NAV1: variants seen among roughly 807,000 people sequenced by gnomAD.
NAV1 encodes pore membrane and/or filament interacting like protein 3.
A neutral mutation model predicts 175.2 loss-of-function variants in NAV1; 18 were observed. The ratio of observed to expected loss-of-function variants is 0.10; its 90% confidence interval spans 0.07 to 0.15. NAV1 has a LOEUF of 0.15. NAV1 is among the 10% of genes least tolerant of loss of function. The probability of loss-of-function intolerance (pLI) is 1.00; values close to 1 mark genes in which losing one functional copy is unlikely to be tolerated. For missense variants in NAV1, 1,731 were observed against 2,436.6 expected (o/e 0.71, Z 6.10); for synonymous variants, 897 against 978.7 (o/e 0.92, Z 1.56).
intron 1 of NAV1, among the ~76,000 whole-genome samples, chr1:201,584,885 G>C (rs1399573899): frequency 1.3e-5 from 2 of 152,212 alleles, no homozygotes; most frequent in African/African-American, 4.8e-5. Flanking sequence ...CCAACTGGCA[G>C]GCAGCCCAAG....
At chr1:201,744,003 G>A (rs1405075667) in intron 3 of NAV1, among the ~76,000 whole-genome samples, 1 of 152,142 alleles carries the variant, frequency 6.6e-6, no homozygotes, top group Non-Finnish European at 1.5e-5. Flanking sequence ...TCCTGCCTCA[G>A]CCTCCCGAGT....
intron 3 of NAV1, among the ~76,000 whole-genome samples, chr1:201,764,065 G>A (rs760299900): frequency 6.6e-6 from 1 of 152,016 alleles, no homozygotes; most frequent in African/African-American, 2.4e-5. Context: ...AGATGGATTC[G>A]GGTATTTAAT....
intron 3 of NAV1, among the ~76,000 whole-genome samples, chr1:201,725,751 T>C (rs1446652424): frequency 6.7e-6 from 1 of 149,646 alleles, no homozygotes; most frequent in Non-Finnish European, 1.5e-5. Context: ...AGACCAGGAG[T>C]TCAAGACTAG....
At chr1:201,649,605 C>CA (rs1416002195) in intron 1 of NAV1, among the ~76,000 whole-genome samples, 180 bp downstream of exon 5, 3 of 152,226 alleles carry the variant, frequency 2.0e-5, no homozygotes, top group Non-Finnish European at 4.4e-5. Flanking sequence ...TCCAGATGCG[C>CA]ATGGCTCAAG....
Position 201,750,360 on chromosome 1 carries a change from G to A in NAV1, c.1227-30061G>A, listed in dbSNP as rs758117927. On this transcript the variant is annotated intron_variant, in intron 3 of 29. Transcript: ENST00000367296. The surrounding 1 kb of genome is among the most constrained non-coding windows in gnomAD (Gnocchi z 4.1). ...GACTGAGGTAAACTGTTCATGGTAT[G>A]AGAGTTGACCAAGTCAGGGTGGGGA... 1.3e-5 allele frequency among the ~76,000 whole-genome samples: 2 copies of A among 152,160 alleles called. No individual in the cohort carries two copies. Among genetic ancestry groups the A allele is most frequent in the Non-Finnish European group, 2.9e-5 (2 of 68,016 alleles).
rs1462075442 is a variant in NAV1 at position 201,787,688 on chromosome 1, A to G, written c.2996-780A>G. The G allele has an allele frequency of 6.6e-6, 3 of 456,266 alleles. No individual in the cohort carries two copies. The highest frequency in any genetic ancestry group is 1.5e-5 in the South Asian group (1 of 64,566). 28.3% of individuals were successfully genotyped at this position (456,266 alleles called of 1,614,324 possible). On this transcript the variant is annotated intron_variant, in intron 9 of 29. Transcript: ENST00000367296. This position sits in a 1 kb window ranked among gnomAD's most constrained non-coding sequence, Gnocchi z 4.3. Reference sequence around the variant, plus strand: ...ACAGATTAGACATCCACCTGCCTGTATGGAGGCAGAAGAATAGACAAGGGA... The same window carrying G: ...ACAGATTAGACATCCACCTGCCTGTGTGGAGGCAGAAGAATAGACAAGGGA...
chr1:201,780,338 C>T lies in NAV1; in HGVS notation c.1227-83C>T, dbSNP rs149891447. 8.0e-4 allele frequency: 1,227 copies of T among 1,540,254 alleles called. 14 individuals carry two copies. In the African/African-American group the frequency reaches 0.011, roughly 14 times the overall value. The stretch of plus-strand genomic sequence containing the variant: ...GGCTAGCCTATATACTGGTGCAGAG[C>T]CATTCTTGCATCAATGTGAAACATT... On this transcript the variant is annotated intron_variant, in intron 3 of 29. Transcript: ENST00000367296.
intron 2 of NAV1, among the ~76,000 whole-genome samples, chr1:201,597,542 T>A (rs762537042): frequency 1.1e-4 from 16 of 152,088 alleles, no homozygotes; most frequent in African/African-American, 1.9e-4. Flanking sequence ...TCTGCAAAGA[T>A]CCCTTCCCAC....
At chr1:201,603,654 C>T (rs2102237248) in intron 2 of NAV1, among the ~76,000 whole-genome samples, 1 of 152,194 alleles carries the variant, frequency 6.6e-6, no homozygotes, top group East Asian at 1.9e-4. Flanking sequence ...GAAAGTAGCC[C>T]CACTCCAGAC....
chr1:201,793,938 G>A (rs1677274784), intron 14 of NAV1, 63 bp downstream of exon 18: 1 of 1,402,972 alleles, frequency 7.1e-7, no homozygotes, highest in Non-Finnish European at 9.9e-7. Context: ...TGGACAGAGA[G>A]GCCGAAGCTG....
chr1:201,717,786 A>G (rs1558093526), intron 2 of NAV1, among the ~76,000 whole-genome samples: 2 of 151,998 alleles, frequency 1.3e-5, no homozygotes, highest in South Asian at 4.2e-4. Context: ...CTTTTCCTAT[A>G]CTCTCTGCAC....
At chr1:201,819,747 A>G (rs1293093640) in intron 29 of NAV1, 90 bp from the exon 34 acceptor site, 1 of 1,170,370 alleles carries the variant, frequency 8.5e-7, no homozygotes, top group Non-Finnish European at 1.3e-6. Flanking sequence ...GGCCTCCCAA[A>G]GTGTTGGGAT....
chr1:201,667,345 C>A (rs758175386), intron 1 of NAV1, among the ~76,000 whole-genome samples: 1 of 152,176 alleles, frequency 6.6e-6, no homozygotes, highest in Admixed American at 6.5e-5. Flanking sequence ...GTGCTGTTCC[C>A]ACCCTGGCAG....
chr1:201,807,546 G>T lies in NAV1; in HGVS notation c.3649-407G>T, dbSNP rs1472470863. On this transcript the variant is annotated intron_variant, in intron 17 of 29. Transcript: ENST00000367296. This position sits in a 1 kb window ranked among gnomAD's most constrained non-coding sequence, Gnocchi z 5.4. Reference sequence around the variant, plus strand: ...GAGCTGTATACCATGTGACCTCTGGGACCTTCTCTCTGTCCCCATCAGGGG... The same window carrying T: ...GAGCTGTATACCATGTGACCTCTGGTACCTTCTCTCTGTCCCCATCAGGGG... Among the ~76,000 whole-genome samples, 1 of 152,208 alleles carries T rather than the reference G, an allele frequency of 6.6e-6. No individual in the cohort carries two copies. Among genetic ancestry groups the T allele is most frequent in the Admixed American group, 6.5e-5 (1 of 15,278 alleles).
chr1:201,758,734 A>G (rs1157206033), intron 3 of NAV1, among the ~76,000 whole-genome samples: 1 of 152,210 alleles, frequency 6.6e-6, no homozygotes, highest in Non-Finnish European at 1.5e-5. Flanking sequence ...AAGTAATCCC[A>G]TATGGTCCCC....
chr1:201,639,532 T>G (rs910458774), intron 2 of NAV1, among the ~76,000 whole-genome samples: 8 of 152,170 alleles, frequency 5.3e-5, no homozygotes, highest in African/African-American at 1.9e-4. Flanking sequence ...GCCGGGACAC[T>G]TGGGAGAAGC....
chr1:201,646,473 T>C (rs1668981351), upstream of NAV1, among the ~76,000 whole-genome samples: 1 of 152,230 alleles, frequency 6.6e-6, no homozygotes, highest in South Asian at 2.1e-4. Context: ...AAGTCTTGTA[T>C]TGTCTACCTT....
exon 1 of NAV1, chr1:201,648,316 G>C: frequency 8.7e-7 from 1 of 1,148,842 alleles, no homozygotes; most frequent in Non-Finnish European, 1.1e-6. Flanking sequence ...ACCGCTGGGC[G>C]CCGGAGGAGC....
Position 201,808,320 on chromosome 1 carries a change from G to T in NAV1, c.3846-98G>T. 7.0e-7 allele frequency: 1 copy of T among 1,425,776 alleles called. No individual in the cohort carries two copies. 88.3% of individuals were successfully genotyped at this position (1,425,776 alleles called of 1,614,324 possible). On this transcript the variant is annotated intron_variant, in intron 18 of 29. Coordinates refer to ENST00000367296, the Ensembl canonical transcript of NAV1. The surrounding 1 kb of genome is among the most constrained non-coding windows in gnomAD (Gnocchi z 5.5). ...TTCTCATGCTGATTGAATATCAATGGGCAGGAGAAGCCAAGACCACCAACC... is the reference window on the plus strand; with the variant it reads ...TTCTCATGCTGATTGAATATCAATGTGCAGGAGAAGCCAAGACCACCAACC...
Sources: gnomAD v4.1 joint callset for allele counts (sites outside exome capture counted in the v4.1 genomes callset) on GRCh38, gnomAD v4.1.1 for gene constraint, Gnocchi (gnomAD v3.1) non-coding constraint, MANE v1.5 for transcripts, NCBI Gene and HGNC (gene_info 2026-07-23, HGNC 2026-07-21) for gene names.